The following ESS2 variants were observed in gnomAD, a reference collection of about 807,000 sequenced individuals.
The protein encoded by ESS2 is splicing factor ESS-2 homolog.
A neutral mutation model predicts 52.0 loss-of-function variants in ESS2; 31 were observed. The observed-to-expected ratio is 0.60, with a 90% CI of 0.45 to 0.81. ESS2 has a LOEUF of 0.81. Among genes scored for constraint, ESS2 ranks in the 30% least tolerant of loss-of-function variants. ESS2 has a pLI of 0.00. For missense variants in ESS2, 602 were observed against 637.2 expected (o/e 0.94, Z 0.59); for synonymous variants, 285 against 259.2 (o/e 1.10, Z -0.95).
At chr22:19,138,950 A>T (rs1380609753) in intron 6 of ESS2, among the ~76,000 whole-genome samples, 1 of 152,134 alleles carries the variant, frequency 6.6e-6, no homozygotes, top group Non-Finnish European at 1.5e-5. Context: ...GCTGGCACAG[A>T]TCTGGACCTA....
chr22:19,134,310 T>G lies in ESS2; in HGVS notation c.1317A>C (p.Thr439=). The change falls in exon 10 of 10, where the codon ACA becomes ACC. Residue 439 remains threonine (T), a synonymous_variant. Coordinates refer to ENST00000252137, the MANE Select transcript of ESS2 (RefSeq NM_022719.3). ...KTPASGLQTP[T]STPAPGSATR... ...TGGCAGAGCCAGGCGCCGGTGTGCT[T>G]GTGGGGGTCTGCAGCCCACTGGCCG... is the stretch of plus-strand genomic sequence containing the variant. The G allele has an allele frequency of 1.2e-6, 2 of 1,607,938 alleles. No homozygotes were observed. The highest frequency in any genetic ancestry group is 1.7e-6 in the Non-Finnish European group (2 of 1,176,948).
At chr22:19,138,904 C>A (rs2083633166) in intron 6 of ESS2, among the ~76,000 whole-genome samples, 1 of 152,176 alleles carries the variant, frequency 6.6e-6, no homozygotes, top group Non-Finnish European at 1.5e-5. Context: ...TCACTCCCAG[C>A]AGTCCCTTTT....
chr22:19,140,598 C>G (rs542825142), intron 3 of ESS2, among the ~76,000 whole-genome samples: 18 of 152,102 alleles, frequency 1.2e-4, no homozygotes, highest in Non-Finnish European at 1.9e-4. Flanking sequence ...CCAAACACCC[C>G]CCCCTCCGAC....
intron 8 of ESS2, among the ~76,000 whole-genome samples, chr22:19,136,746 C>G (rs541450030): frequency 6.6e-6 from 1 of 152,220 alleles, no homozygotes; most frequent in South Asian, 2.1e-4. Flanking sequence ...CAATTTAGAA[C>G]CAAGGTAACC....
At position 19,142,200 on chromosome 22, in the gene ESS2, G is replaced by A. The variant is rs185582109; in HGVS notation, c.400+338C>T. Among the ~76,000 whole-genome samples the A allele has an allele frequency of 5.3e-3, 807 of 152,256 alleles. 9 individuals are homozygous for A. Among genetic ancestry groups the A allele is most frequent in the Non-Finnish European group, 7.3e-3 (497 of 68,030 alleles). On this transcript the variant is annotated intron_variant, in intron 3 of 9. Coordinates refer to ENST00000252137, the MANE Select transcript of ESS2 (RefSeq NM_022719.3). ...TTATCTGGGAAGTGACCAACATGAA[G>A]GAAACAAATGGAGAGGCCCTGAGGC...
At position 19,134,281 on chromosome 22, in the gene ESS2, C is replaced by A. The variant is rs142803658; in HGVS notation, c.1346G>T (p.Arg449Leu). The change falls in exon 10 of 10, where the codon CGC becomes CTC. Residue 449 changes from arginine (R) to leucine (L), a missense_variant. Coordinates refer to ENST00000252137, the MANE Select transcript of ESS2 (RefSeq NM_022719.3). ...GGCCGGGTCCTGTGTGAGAGGGGTG[C>A]GTGTGGCAGAGCCAGGCGCCGGTGT... Reference protein sequence around the residue: ...TSTPAPGSATRTPLTQDPASI... With the variant: ...TSTPAPGSATLTPLTQDPASI... 6 of 1,592,708 alleles carry A rather than the reference C, an allele frequency of 3.8e-6. No homozygotes were observed. The African/African-American group carries it at 6.7e-5, about 18-fold the overall frequency.
chr22:19,138,343 C>T (rs2083621329), intron 6 of ESS2, 26 bp from the exon 7 acceptor site: 1 of 1,608,022 alleles, frequency 6.2e-7, no homozygotes, highest in South Asian at 1.1e-5. Flanking sequence ...AGGCTGGCAT[C>T]AGGGGGACCG....
chr22:19,144,450 G>T, intron 1 of ESS2, 56 bp downstream of exon 1: 9 of 1,608,546 alleles, frequency 5.6e-6, no homozygotes, highest in Non-Finnish European at 7.6e-6. Context: ...AACCTGAGAG[G>T]AGCTTGAAGC....
chr22:19,131,689 ACCT>A lies in ESS2; in HGVS notation c.*2504_*2506del. The A allele has an allele frequency of 1.2e-6, 2 of 1,613,602 alleles. No homozygotes were observed. Among genetic ancestry groups the A allele is most frequent in the Non-Finnish European group, 1.7e-6 (2 of 1,179,898 alleles). On this transcript the variant is annotated 3_prime_UTR_variant, in exon 10 of 10. Transcript: ENST00000252137. The surrounding 1 kb of genome is among the most constrained non-coding windows in gnomAD (Gnocchi z 5.7). ...ATCATGGAGCTTGGCGTCCAGGGCG[ACCT>A]CCTCGAGTTCATCAAGTGCCAGGGA...
chr22:19,142,542 C>T lies in ESS2; in HGVS notation c.396G>A (p.Glu132=). The T allele has an allele frequency of 6.2e-7, 1 of 1,602,944 alleles. No homozygotes were observed. The highest frequency in any genetic ancestry group is 8.5e-7 in the Non-Finnish European group (1 of 1,175,666). ...NKPRPRGRGL[E]DGEAGEEEEK... ...AAAGAGGGCACCCTCACTCACCATCCTCCAGGCCTCGGCCGCGGGGCCTGG... is the reference window on the plus strand; with the variant it reads ...AAAGAGGGCACCCTCACTCACCATCTTCCAGGCCTCGGCCGCGGGGCCTGG... The change falls in exon 3 of 10, where the codon GAG becomes GAA. Residue 132 remains glutamate (E), a synonymous_variant. Transcript: ENST00000252137.
chr22:19,131,577 G>A lies in ESS2; in HGVS notation c.*2619C>T. 6.2e-7 allele frequency: 1 copy of A among 1,614,104 alleles called. No individual in the cohort carries two copies. Among genetic ancestry groups the A allele is most frequent in the Non-Finnish European group, 8.5e-7 (1 of 1,180,028 alleles). On this transcript the variant is annotated 3_prime_UTR_variant, in exon 10 of 10. Transcript: ENST00000252137. This position sits in a 1 kb window ranked among gnomAD's most constrained non-coding sequence, Gnocchi z 5.7. Reference sequence around the variant, plus strand: ...CTTTGTGGAGAGATTCCTTCCTCGGGAGATGGACATCCTGGCAACTGTCAA... The same window carrying A: ...CTTTGTGGAGAGATTCCTTCCTCGGAAGATGGACATCCTGGCAACTGTCAA...
At chr22:19,144,128 G>A in intron 1 of ESS2, 1 of 1,041,528 alleles carries the variant, frequency 9.6e-7, no homozygotes, top group Non-Finnish European at 1.2e-6. Context: ...ACTCACTCGA[G>A]ATGCTGTCAC....
chr22:19,131,181 CCT>C lies in ESS2; in HGVS notation c.*3013_*3014del. 1 of 538,970 alleles carries C rather than the reference CCT, an allele frequency of 1.9e-6. No individual in the cohort carries two copies. Among genetic ancestry groups the C allele is most frequent in the Non-Finnish European group, 3.3e-6 (1 of 304,448 alleles). 33.4% of individuals were successfully genotyped at this position (538,970 alleles called of 1,614,324 possible). ...GCCTGGCTTCCACGGTTCCAGAGAC[CCT>C]GTTCTCCCTCAGCCCAGTCCCCGCC... is the stretch of plus-strand genomic sequence containing the variant. On this transcript the variant is annotated 3_prime_UTR_variant, in exon 10 of 10. Transcript: ENST00000252137. This position sits in a 1 kb window ranked among gnomAD's most constrained non-coding sequence, Gnocchi z 5.7.
At chr22:19,137,226 G>A in intron 8 of ESS2, 97 bp downstream of exon 8, 1 of 847,082 alleles carries the variant, frequency 1.2e-6, no homozygotes, top group Non-Finnish European at 1.8e-6. Flanking sequence ...TCAGCAGCTG[G>A]GGGCCGATCC....
rs2083520445 is a variant in ESS2, at chr22:19,132,502, GT to G, written c.*1693del. On this transcript the variant is annotated 3_prime_UTR_variant, in exon 10 of 10. Coordinates refer to ENST00000252137, the MANE Select transcript of ESS2 (RefSeq NM_022719.3). This position sits in a 1 kb window ranked among gnomAD's most constrained non-coding sequence, Gnocchi z 4.2. ...CATGACAATGGCCCCGTTGTGTGTG[GT>G]GGGGGTCGGGGTTGGGGGGCATGGT... The G allele has an allele frequency of 1.3e-6, 2 of 1,578,356 alleles. No individual in the cohort carries two copies. The highest frequency in any genetic ancestry group is 2.7e-5 in the African/African-American group (2 of 74,288).
Position 19,132,339 on chromosome 22 carries a change from A to G in ESS2, c.*1857T>C, listed in dbSNP as rs2083518117. 6.2e-7 allele frequency: 1 copy of G among 1,612,972 alleles called. No individual in the cohort carries two copies. The highest frequency in any genetic ancestry group is 2.2e-5 in the East Asian group (1 of 44,852). On this transcript the variant is annotated 3_prime_UTR_variant, in exon 10 of 10. Transcript: ENST00000252137. This position sits in a 1 kb window ranked among gnomAD's most constrained non-coding sequence, Gnocchi z 4.2. ...GAGGCCCGACCACCGGCCCGACCAC[A>G]AGCTTGGAGCCAAAACCCAGCACCG...
At chr22:19,139,470 C>T in intron 5 of ESS2, 142 bp downstream of exon 5, 2 of 1,214,772 alleles carry the variant, frequency 1.6e-6, no homozygotes, top group South Asian at 1.3e-5. Context: ...ACCTGTCCAC[C>T]CTTAGACAGA....
intron 1 of ESS2, among the ~76,000 whole-genome samples, chr22:19,143,852 C>T (rs2083738034): frequency 6.6e-6 from 1 of 152,306 alleles, no homozygotes; most frequent in Admixed American, 6.5e-5. Context: ...GAGCGAGACT[C>T]CGTCTCAAAA....
At position 19,139,283 on chromosome 22, in the gene ESS2, T is replaced by G; in HGVS notation, c.698A>C (p.Asp233Ala). ...SLMYYPEGVP[D>A]EEQLFKKPRQ... Reference sequence around the variant, plus strand: ...GGGCTTCTTAAACAGCTGCTCCTCGTCAGGGACACCTGGCAGACGAAGCAA... The same window carrying G: ...GGGCTTCTTAAACAGCTGCTCCTCGGCAGGGACACCTGGCAGACGAAGCAA... Residue 233 changes from aspartate (D) to alanine (A), a missense_variant, in exon 6 of 10, where the codon GAC becomes GCC. Asp to Ala is a moderately radical substitution (Grantham distance 126). Transcript: ENST00000252137. 1 of 1,596,768 alleles carries G rather than the reference T, an allele frequency of 6.3e-7. No individual in the cohort carries two copies. The highest frequency in any genetic ancestry group is 8.5e-7 in the Non-Finnish European group (1 of 1,170,198).
Sources: allele counts gnomAD v4.1 joint callset (sites outside exome capture counted in the v4.1 genomes callset), GRCh38; gene constraint gnomAD v4.1.1; non-coding constraint Gnocchi (gnomAD v3.1); transcripts MANE v1.5; gene names NCBI Gene and HGNC (gene_info 2026-07-23, HGNC 2026-07-21).